FBN2: variants seen among roughly 807,000 people sequenced by gnomAD.
FBN2 encodes the protein fibrillin-2.
Under a neutral mutation model 355.6 loss-of-function variants are expected in FBN2, and 105 were observed. That is an observed-to-expected ratio of 0.30 (90% CI 0.25 to 0.35). The LOEUF is 0.35. Ranked by LOEUF, FBN2 falls within the 10% of genes least tolerant of loss-of-function variation. The pLI, the probability that FBN2 is intolerant of heterozygous loss-of-function variation, is 1.00. For missense variants in FBN2, 3,280 were observed against 3,758.7 expected, an observed-to-expected ratio of 0.87 and a Z score of 3.33; for synonymous variants, 1,350 against 1,301.2, an observed-to-expected ratio of 1.04 and a Z score of -0.81.
chr5:128,450,073 A>G (rs1223792397), intron 6 of FBN2, among the ~76,000 whole-genome samples: 1 of 152,122 alleles, frequency 6.6e-6, no homozygotes, highest in Non-Finnish European at 1.5e-5. Context: ...ACAGAAATAG[A>G]TAACCTGCAA....
At chr5:128,301,287 A>G (rs1457743920) in intron 47 of FBN2, 95 bp downstream of exon 47, 1 of 1,136,540 alleles carries the variant, frequency 8.8e-7, no homozygotes, top group Non-Finnish European at 1.3e-6. Context: ...GATTAAATGA[A>G]ATATTAATGA....
rs1000759216 is a variant in FBN2, at chr5:128,408,030, T to C, written c.1078+644A>G. 3.3e-5 allele frequency among the ~76,000 whole-genome samples: 5 copies of C among 152,202 alleles called. No homozygotes were observed. In the South Asian group the frequency reaches 1.0e-3, roughly 32 times the overall value. On this transcript the variant is annotated intron_variant, in intron 8 of 64. Transcript: ENST00000262464. ...TTTTTTCCTCTCTTTTTACCTATTG[T>C]CAGCTTAAAATTGGAATAGACTAGG... is the stretch of plus-strand genomic sequence containing the variant.
intron 47 of FBN2, 33 bp downstream of exon 47, chr5:128,301,349 A>G (rs1433153571): frequency 6.3e-7 from 1 of 1,596,702 alleles, no homozygotes; most frequent in African/African-American, 1.3e-5. Context: ...AAAACATAAC[A>G]CCACAAAGAC....
At chr5:128,429,787 A>T (rs778002398) in intron 7 of FBN2, among the ~76,000 whole-genome samples, 7 of 152,188 alleles carry the variant, frequency 4.6e-5, no homozygotes, top group Non-Finnish European at 8.8e-5. Flanking sequence ...GTGGGAGAAA[A>T]ATTATGATAA....
intron 47 of FBN2, 144 bp from the exon 48 acceptor site, chr5:128,301,080 A>G: frequency 1.3e-6 from 1 of 768,524 alleles, no homozygotes; most frequent in Admixed American, 2.2e-5. Context: ...TACCAAAGAT[A>G]CTCTTCTGAC....
intron 7 of FBN2, chr5:128,442,488 T>C (rs769252125): frequency 3.0e-6 from 1 of 334,270 alleles, no homozygotes; most frequent in Non-Finnish European, 5.9e-6. Flanking sequence ...TTAAATTAAA[T>C]GGATATTTAA....
At position 128,379,039 on chromosome 5, in the gene FBN2, T is replaced by G. The variant is rs546779556; in HGVS notation, c.1604-149A>C. On this transcript the variant is annotated intron_variant, in intron 11 of 64. Coordinates refer to ENST00000262464, the MANE Select transcript of FBN2 (RefSeq NM_001999.4). The stretch of plus-strand genomic sequence containing the variant: ...GTATTTATAAATGAATGAAAATTCC[T>G]CTCTTCAAATACACTCAGAGGCCAG... 1.4e-4 allele frequency: 121 copies of G among 873,964 alleles called. 2 individuals are homozygous for G. In the South Asian group the frequency reaches 1.4e-3, roughly 10 times the overall value. 54.1% of individuals were successfully genotyped at this position (873,964 alleles called of 1,614,324 possible).
At chr5:128,369,420 C>T in intron 15 of FBN2, 86 bp from the exon 16 acceptor site, 1 of 1,362,926 alleles carries the variant, frequency 7.3e-7, no homozygotes, top group Non-Finnish European at 1.0e-6. Flanking sequence ...ACCTAAGTGG[C>T]CACTAGACTG....
intron 8 of FBN2, among the ~76,000 whole-genome samples, chr5:128,396,472 G>C (rs2126983318): frequency 6.6e-6 from 1 of 152,294 alleles, no homozygotes; most frequent in South Asian, 2.1e-4. Context: ...TCAGAGGTAA[G>C]CACAGTTTGG....
At chr5:128,307,505 T>C (rs1749916669) in intron 41 of FBN2, among the ~76,000 whole-genome samples, 1 of 151,976 alleles carries the variant, frequency 6.6e-6, no homozygotes, top group Non-Finnish European at 1.5e-5. Flanking sequence ...ACTTTTTCTT[T>C]TAATATGCAG....
chr5:128,321,461 C>T (rs1750372068), intron 34 of FBN2, among the ~76,000 whole-genome samples: 1 of 152,244 alleles, frequency 6.6e-6, no homozygotes, highest in South Asian at 2.1e-4. Flanking sequence ...CACCCTCCGA[C>T]AGGCCCCAGT....
At chr5:128,403,518 T>C (rs1443246379) in intron 8 of FBN2, among the ~76,000 whole-genome samples, 6 of 152,198 alleles carry the variant, frequency 3.9e-5, no homozygotes, top group Non-Finnish European at 8.8e-5. Flanking sequence ...TCACTGCTCT[T>C]TGCCAACGCG....
At chr5:128,312,006 G>C in intron 37 of FBN2, 53 bp from the exon 38 acceptor site, 1 of 1,263,496 alleles carries the variant, frequency 7.9e-7, no homozygotes, top group East Asian at 2.3e-5. Context: ...AAGTGGCTGA[G>C]ACAATGAGCA....
rs1561455185 is a variant in FBN2, at chr5:128,434,422, A to ATATATG, written c.952+12058_952+12059insCATATA. 2.3e-4 allele frequency among the ~76,000 whole-genome samples: 30 copies of ATATATG among 132,682 alleles called. 2 individuals carry two copies. Among genetic ancestry groups the ATATATG allele is most frequent in the African/African-American group, 7.9e-4 (24 of 30,394 alleles). The allele number at this position is 132,682 out of a possible 152,430, so 87.0% of individuals were successfully genotyped here. A position where few individuals can be genotyped will look rare whatever the true frequency, so the allele number is the denominator to read the frequency against. On this transcript the variant is annotated intron_variant, in intron 7 of 64. Transcript: ENST00000262464. ...TATATATATATATATATATATATAT[A>ATATATG]TATGGGCAGTAAGTGACAGCACTGG... is the stretch of plus-strand genomic sequence containing the variant.
chr5:128,492,440 TG>T (rs1755533588), intron 5 of FBN2, among the ~76,000 whole-genome samples: 1 of 152,230 alleles, frequency 6.6e-6, no homozygotes, highest in South Asian at 2.1e-4. Flanking sequence ...ATAACTATCA[TG>T]GAACTATTTC....
chr5:128,448,271 C>A (rs929574312), intron 6 of FBN2, among the ~76,000 whole-genome samples: 4 of 152,028 alleles, frequency 2.6e-5, no homozygotes, highest in African/African-American at 9.7e-5. Flanking sequence ...TCTTTCCTGC[C>A]AATACATGAT....
chr5:128,414,475 G>A (rs1246732134), intron 7 of FBN2, among the ~76,000 whole-genome samples: 2 of 151,984 alleles, frequency 1.3e-5, no homozygotes, highest in Non-Finnish European at 1.5e-5. Context: ...CCTTTTAATT[G>A]CTAAATAATA....
At chr5:128,444,054 CTTTTTT>C (rs35768962) in intron 7 of FBN2, among the ~76,000 whole-genome samples, 11 of 65,612 alleles carry the variant, frequency 1.7e-4, no homozygotes, top group African/African-American at 6.2e-4. Flanking sequence ...ATCACTTGTT[CTTTTTT>C]TTTTTTTTTT....
chr5:128,352,402 C>T (rs917841953), intron 20 of FBN2, among the ~76,000 whole-genome samples: 4 of 152,066 alleles, frequency 2.6e-5, no homozygotes, highest in Non-Finnish European at 4.4e-5. Context: ...TGGTAGAGTA[C>T]CCAGTGAAAT....
Sources: allele counts gnomAD v4.1 joint callset (sites outside exome capture counted in the v4.1 genomes callset), GRCh38; gene constraint gnomAD v4.1.1; transcripts MANE v1.5; gene names NCBI Gene and HGNC (gene_info 2026-07-23, HGNC 2026-07-21).